Variants in MAML2 observed in about 807,000 individuals in gnomAD.
MAML2 encodes mastermind-like protein 2.
A neutral mutation model predicts 96.1 loss-of-function variants in MAML2; 22 were observed. The observed-to-expected ratio is 0.23, with a 90% CI of 0.16 to 0.33. The LOEUF (loss-of-function observed/expected upper bound fraction) is 0.33. Among genes scored for constraint, MAML2 ranks in the 10% least tolerant of loss-of-function variants. The pLI is 1.00. For synonymous variants in MAML2, 561 were observed against 521.3 expected (o/e 1.08, Z -1.04); for missense variants, 1,367 against 1,392.4 (o/e 0.98, Z 0.29).
chr11:96,069,894 G>T (rs1429718389), intron 2 of MAML2, among the ~76,000 whole-genome samples: 2 of 151,494 alleles, frequency 1.3e-5, no homozygotes, highest in Non-Finnish European at 2.9e-5. Flanking sequence ...GTGGTGGTGC[G>T]TGCCTGTAAT....
chr11:96,064,805 A>G (rs1859220129), intron 2 of MAML2, among the ~76,000 whole-genome samples: 1 of 152,254 alleles, frequency 6.6e-6, no homozygotes, highest in African/African-American at 2.4e-5. Context: ...AACAGTGCCT[A>G]GCACAAAATA....
At chr11:96,086,423 G>A (rs1339038304) in intron 2 of MAML2, among the ~76,000 whole-genome samples, 2 of 151,372 alleles carry the variant, frequency 1.3e-5, no homozygotes, top group African/African-American at 4.9e-5. Flanking sequence ...CTCCAGAAAT[G>A]TTTGCTTTAA....
At chr11:95,988,261 CT>C (rs937100080) in intron 3 of MAML2, among the ~76,000 whole-genome samples, 78 of 147,942 alleles carry the variant, frequency 5.3e-4, no homozygotes, top group African/African-American at 1.8e-3. Flanking sequence ...TAATTATTGA[CT>C]TTTTTTTTTC....
In MAML2 at chr11:96,130,871, GTC is replaced by G. The variant is rs564496141; in HGVS notation, c.514-37356_514-37355del. ...TTCTACCCTTTGTCCTACACCAATT[GTC>G]TAGGACCATCCAAAAAAACCTAATT... On this transcript the variant is annotated intron_variant, in intron 1 of 4. Transcript: ENST00000524717. Among the ~76,000 whole-genome samples the G allele has an allele frequency of 1.9e-3, 287 of 151,114 alleles. 2 individuals are homozygous for G. The highest frequency in any genetic ancestry group is 6.7e-3 in the African/African-American group (276 of 41,154).
At chr11:96,141,718 A>T (rs1188999685) in intron 1 of MAML2, among the ~76,000 whole-genome samples, 1 of 152,228 alleles carries the variant, frequency 6.6e-6, no homozygotes, top group Non-Finnish European at 1.5e-5. Flanking sequence ...ATACAAAGAC[A>T]CAGGGCATAA....
chr11:96,324,111 T>A (rs1047461368), intron 1 of MAML2, among the ~76,000 whole-genome samples: 5 of 152,170 alleles, frequency 3.3e-5, no homozygotes, highest in African/African-American at 1.2e-4. Flanking sequence ...GTAAGTTGAG[T>A]CTGATAATAC....
intron 1 of MAML2, among the ~76,000 whole-genome samples, chr11:96,178,506 C>G (rs1861429666): frequency 6.6e-6 from 1 of 152,144 alleles, no homozygotes; most frequent in Admixed American, 6.5e-5. Context: ...TCACCAGCCA[C>G]AGAGAAACAT....
At position 96,056,627 on chromosome 11, in the gene MAML2, G is replaced by A. The variant is rs1859074575; in HGVS notation, c.2139+35265C>T. 2.6e-5 allele frequency among the ~76,000 whole-genome samples: 4 copies of A among 152,176 alleles called. No homozygotes were observed. The South Asian group carries it at 8.3e-4, about 31-fold the overall frequency. ...GAAATGCAAGGTTAGAACATTTGAAGCATGAGAATACTGATTTACATGGAA... is the reference window on the plus strand; with the variant it reads ...GAAATGCAAGGTTAGAACATTTGAAACATGAGAATACTGATTTACATGGAA... On this transcript the variant is annotated intron_variant, in intron 2 of 4. Coordinates refer to ENST00000524717, the MANE Select transcript of MAML2 (RefSeq NM_032427.4).
rs375183952 is a variant in MAML2, at chr11:96,155,048, C to T, written c.514-61531G>A. Among the ~76,000 whole-genome samples the T allele has an allele frequency of 9.9e-5, 15 of 152,248 alleles. No homozygotes were observed. In the South Asian group the frequency reaches 2.5e-3, roughly 25 times the overall value. On this transcript the variant is annotated intron_variant, in intron 1 of 4. Coordinates refer to ENST00000524717, the MANE Select transcript of MAML2 (RefSeq NM_032427.4). ...GGGAGCAGTGCTCTGCTATTCCACG[C>T]GGTAAGTCTCATCAAGCAGGCCCTC... is the stretch of plus-strand genomic sequence containing the variant.
chr11:96,044,566 G>A (rs767392775), intron 2 of MAML2, among the ~76,000 whole-genome samples: 2 of 152,148 alleles, frequency 1.3e-5, no homozygotes, highest in African/African-American at 4.8e-5. Flanking sequence ...GGCATAGAGG[G>A]AGTGCTCAAT....
chr11:96,150,838 T>C (rs923374958), intron 1 of MAML2, among the ~76,000 whole-genome samples: 3 of 152,126 alleles, frequency 2.0e-5, no homozygotes, highest in African/African-American at 4.8e-5. Context: ...CTAGTTTATT[T>C]TGCCTCCCAT....
chr11:96,101,125 A>G lies in MAML2; in HGVS notation c.514-7608T>C, dbSNP rs946822178. 5.2e-4 allele frequency among the ~76,000 whole-genome samples: 79 copies of G among 152,320 alleles called. 3 individuals are homozygous for G. The highest frequency in any genetic ancestry group is 1.0e-4 in the Non-Finnish European group (7 of 68,032). On this transcript the variant is annotated intron_variant, in intron 1 of 4. Coordinates refer to ENST00000524717, the MANE Select transcript of MAML2 (RefSeq NM_032427.4). ...CAATGCAAATTCAGGTTCTATATAG[A>G]GAAAAGAAGTCAACATACTGCCCTT...
At chr11:96,002,622 G>T (rs1475205239) in intron 2 of MAML2, among the ~76,000 whole-genome samples, 1 of 150,742 alleles carries the variant, frequency 6.6e-6, no homozygotes. Flanking sequence ...GGAGGATGGA[G>T]ATGATGATGA....
chr11:96,050,428 T>A (rs1288982481), intron 2 of MAML2, among the ~76,000 whole-genome samples: 4 of 152,190 alleles, frequency 2.6e-5, no homozygotes, highest in African/African-American at 9.7e-5. Context: ...AATGAATCCT[T>A]CACAGGGACA....
At position 96,091,039 on chromosome 11, in the gene MAML2, G is replaced by C. The variant is rs147069667; in HGVS notation, c.2139+853C>G. ...AGTTTTTTCTTTTAGGTTCCCTGGG[G>C]ATCAGGACTTACTCATCAATATGTG... is the stretch of plus-strand genomic sequence containing the variant. On this transcript the variant is annotated intron_variant, in intron 2 of 4. Transcript: ENST00000524717. Among the ~76,000 whole-genome samples, 926 of 152,288 alleles carry C rather than the reference G, an allele frequency of 6.1e-3. 8 individuals are homozygous for C. The highest frequency in any genetic ancestry group is 7.9e-3 in the Non-Finnish European group (538 of 68,012).
chr11:96,303,706 C>T (rs1863422613), intron 1 of MAML2, among the ~76,000 whole-genome samples: 1 of 152,100 alleles, frequency 6.6e-6, no homozygotes, highest in Admixed American at 6.5e-5. Flanking sequence ...GAGTGTCCAG[C>T]AAGAACAGAT....
intron 1 of MAML2, among the ~76,000 whole-genome samples, chr11:96,226,536 AT>A (rs1030489387): frequency 2.6e-5 from 4 of 152,030 alleles, no homozygotes; most frequent in African/African-American, 4.8e-5. Context: ...TAGAGGAAAG[AT>A]TTTTTTTCTC....
chr11:95,979,092 G>C lies in MAML2; in HGVS notation c.3327C>G (p.Asp1109Glu). The stretch of plus-strand genomic sequence containing the variant: ...TGTTATCATTTTGTTGGCTGAGGAA[G>C]TCAAAAGCTAAGTCACTGCTGTGGT... Reference protein sequence around the residue: ...GTDHSSDLAFDFLSQQNDNMG... With the variant: ...GTDHSSDLAFEFLSQQNDNMG... The change falls in exon 5 of 5, where the codon GAC becomes GAG. Residue 1109 changes from aspartate (D) to glutamate (E), a missense_variant. Asp to Glu is a conservative substitution (Grantham distance 45). Coordinates refer to ENST00000524717, the MANE Select transcript of MAML2 (RefSeq NM_032427.4). 1 of 1,614,020 alleles carries C rather than the reference G, an allele frequency of 6.2e-7. No individual in the cohort carries two copies.
intron 2 of MAML2, among the ~76,000 whole-genome samples, chr11:96,069,157 G>A (rs1246720417): frequency 6.6e-6 from 1 of 151,792 alleles, no homozygotes; most frequent in Admixed American, 6.6e-5. Context: ...GTAACTTCTG[G>A]CCTCAGGCAA....
Sources: gnomAD v4.1 joint callset for allele counts (sites outside exome capture counted in the v4.1 genomes callset) on GRCh38, gnomAD v4.1.1 for gene constraint, MANE v1.5 for transcripts, NCBI Gene and HGNC (gene_info 2026-07-23, HGNC 2026-07-21) for gene names.